The following TMEM253 variants were observed in gnomAD, a reference collection of about 807,000 sequenced individuals.
TMEM253 encodes the protein transmembrane protein C14orf176.
TMEM253 carries 22 observed loss-of-function variants against 20.3 expected under a neutral mutation model. The observed-to-expected ratio is 1.08, with a 90% CI of 0.78 to 1.55. The LOEUF (loss-of-function observed/expected upper bound fraction) is 1.55. Ranked by LOEUF, TMEM253 falls within the 40% of genes most tolerant of loss-of-function variation. TMEM253 has a pLI of 0.00. For synonymous variants in TMEM253, 92 were observed against 102.6 expected (o/e 0.90, Z 0.62); for missense variants, 251 against 266.1 (o/e 0.94, Z 0.39).
chr14:21,101,436 C>T (rs1007006986), exon 2 of TMEM253: 2 of 1,551,400 alleles, frequency 1.3e-6, no homozygotes, highest in African/African-American at 2.7e-5. Flanking sequence ...AGAGTGGGCA[C>T]CTCTTGGTGC....
intron 4 of TMEM253, 120 bp from the exon 5 acceptor site, chr14:21,102,285 T>C: frequency 1.4e-6 from 2 of 1,404,658 alleles, no homozygotes; most frequent in East Asian, 2.5e-5. Context: ...AGAGGGCTTA[T>C]GGCCCTGTTT....
At chr14:21,099,685 A>G (rs1213211347), upstream of TMEM253, among the ~76,000 whole-genome samples, 2 of 152,196 alleles carry the variant, frequency 1.3e-5, no homozygotes, top group Non-Finnish European at 2.9e-5. Flanking sequence ...AGCCACTAAC[A>G]TTGAGCACTT....
At chr14:21,101,373 G>A in exon 2 of TMEM253, 1 of 1,551,712 alleles carries the variant, frequency 6.4e-7, no homozygotes, top group Non-Finnish European at 8.7e-7. Context: ...AGCAAGAGCA[G>A]GAGAGACACA....
In TMEM253 at chr14:21,102,409, G is replaced by A. The variant is rs748483408; in HGVS notation, c.281G>A (p.Arg94Gln). Residue 94 changes from arginine (R) to glutamine (Q), a missense_variant, in exon 5 of 7, where the codon CGG (arginine) becomes CAG (glutamine). By Grantham distance (43) the Arg-to-Gln change is conservative. Transcript: ENST00000556585. ...GCTGAGCTGGCTCACTGGCAGGTGC[G>A]GGCCATGATGATATTCAACACCTTC... 152 of 1,551,520 alleles carry A rather than the reference G, an allele frequency of 9.8e-5. No individual in the cohort carries two copies. The highest frequency in any genetic ancestry group is 1.6e-4 in the African/African-American group (12 of 73,038).
chr14:21,101,614 G>C (rs1256208079), intron 2 of TMEM253, 163 bp downstream of exon 2: 1 of 716,836 alleles, frequency 1.4e-6, no homozygotes, highest in Non-Finnish European at 2.3e-6. Flanking sequence ...AATAAACAAG[G>C]CAAGACCCTT....
intron 3 of TMEM253, 38 bp from the exon 4 acceptor site, chr14:21,102,026 G>T (rs769073990): frequency 6.4e-7 from 1 of 1,550,590 alleles, no homozygotes; most frequent in South Asian, 1.2e-5. Context: ...CCTTCCTAAC[G>T]GGACCAGAGC....
chr14:21,103,279 C>T lies in TMEM253; in HGVS notation c.*21C>T, dbSNP rs1361549489. ...CCTGAGAGAATGCTCTCCAGACATTCCTGCATCCCACCCCACCAAACTCAG... is the reference window on the plus strand; with the variant it reads ...CCTGAGAGAATGCTCTCCAGACATTTCTGCATCCCACCCCACCAAACTCAG... On this transcript the variant is annotated 3_prime_UTR_variant, in exon 7 of 7. Coordinates refer to ENST00000556585, the Ensembl canonical transcript of TMEM253. 2.6e-6 allele frequency: 4 copies of T among 1,546,448 alleles called. No homozygotes were observed. In the East Asian group the frequency reaches 9.8e-5, roughly 38 times the overall value.
At chr14:21,102,326 C>G (rs535456111) in intron 4 of TMEM253, 79 bp from the exon 5 acceptor site, 2 of 1,505,328 alleles carry the variant, frequency 1.3e-6, no homozygotes, top group Non-Finnish European at 1.8e-6. Flanking sequence ...TGAGTTTTGT[C>G]TTCAGCTAGG....
In TMEM253 at chr14:21,101,994, G is replaced by T. The variant is rs778750437; in HGVS notation, c.219+19G>T. ...AGCCTCAGTAAGACCCACCACAAGG[G>T]AGGGTGGAAGGTCCCAGGGCCCCTT... On this transcript the variant is annotated intron_variant, in intron 3 of 6. Coordinates refer to ENST00000556585, the Ensembl canonical transcript of TMEM253. The T allele has an allele frequency of 6.4e-7, 1 of 1,551,158 alleles. No homozygotes were observed. Among genetic ancestry groups the T allele is most frequent in the South Asian group, 1.2e-5 (1 of 84,054 alleles).
chr14:21,099,494 G>C (rs1301300258), upstream of TMEM253, among the ~76,000 whole-genome samples: 1 of 152,162 alleles, frequency 6.6e-6, no homozygotes, highest in Non-Finnish European at 1.5e-5. Flanking sequence ...CCCCGGGAAA[G>C]AAAAGAGTAG....
At position 21,102,664 on chromosome 14, in the gene TMEM253, C is replaced by CT; in HGVS notation, c.420dup (p.Glu141Ter). 6 of 1,551,564 alleles carry CT rather than the reference C, an allele frequency of 3.9e-6. No homozygotes were observed. The highest frequency in any genetic ancestry group is 5.2e-6 in the Non-Finnish European group (6 of 1,146,972). ...GGCTTGCTGGTGCTGGAACTCAGTG[C>CT]TGAGGCCTTCACCCTAGGGGGAGTG... On this transcript the variant is annotated frameshift_variant, in exon 6 of 7. Coordinates refer to ENST00000556585, the Ensembl canonical transcript of TMEM253. LOFTEE classifies it high-confidence loss of function.
At position 21,102,364 on chromosome 14, in the gene TMEM253, A is replaced by C. The variant is rs1351905896; in HGVS notation, c.277-41A>C. 3.2e-6 allele frequency: 5 copies of C among 1,546,772 alleles called. No individual in the cohort carries two copies. The African/African-American group carries it at 6.9e-5, about 21-fold the overall frequency. ...GCAAGTGGGGATTGAGGTTGGAATG[A>C]CTCCCCTAGGCTGGGCAGGGCTGAG... On this transcript the variant is annotated intron_variant, in intron 4 of 6. Transcript: ENST00000556585.
exon 2 of TMEM253, chr14:21,101,432 G>A: frequency 6.4e-7 from 1 of 1,551,442 alleles, no homozygotes; most frequent in Non-Finnish European, 8.7e-7. Context: ...AGGCAGAGTG[G>A]GCACCTCTTG....
chr14:21,098,964 C>A, upstream of TMEM253: 2 of 703,966 alleles, frequency 2.8e-6, no homozygotes, highest in East Asian at 1.9e-4. Context: ...TTAATGTCGG[C>A]CGTATAAGAA....
upstream of TMEM253, chr14:21,098,951 T>G (rs1300350079): frequency 2.4e-6 from 2 of 841,322 alleles, no homozygotes; most frequent in East Asian, 8.7e-5. Context: ...ATTATAGAGA[T>G]AGTTAATGTC....
chr14:21,103,655 G>C (rs1889794256), exon 7 of TMEM253: 1 of 171,766 alleles, frequency 5.8e-6, no homozygotes, highest in Non-Finnish European at 1.3e-5. Context: ...CTGTAGCGGA[G>C]ACTACAAGTC....
At chr14:21,102,584 G>T in intron 5 of TMEM253, 49 bp from the exon 6 acceptor site, 5 of 1,551,114 alleles carry the variant, frequency 3.2e-6, no homozygotes, top group Non-Finnish European at 4.4e-6. Flanking sequence ...AAAAGGGCAG[G>T]GGCAAACAGG....
exon 6 of TMEM253, chr14:21,102,682 G>A (rs1451346013): frequency 6.4e-7 from 1 of 1,551,590 alleles, no homozygotes; most frequent in South Asian, 1.2e-5. Context: ...TTCACCCTAG[G>A]GGGAGTGCTG....
chr14:21,098,860 T>C (rs1385782385), upstream of TMEM253: 10 of 1,286,092 alleles, frequency 7.8e-6, no homozygotes, highest in Middle Eastern at 1.7e-3. Flanking sequence ...ATGCACAGAC[T>C]CGGGAAGTTC....
Sources: allele counts gnomAD v4.1 joint callset (sites outside exome capture counted in the v4.1 genomes callset), GRCh38; gene constraint gnomAD v4.1.1; transcripts MANE v1.5; gene names NCBI Gene and HGNC (gene_info 2026-07-23, HGNC 2026-07-21).